LMNB1: variants seen among roughly 807,000 people sequenced by gnomAD.
The protein encoded by LMNB1 is lamin-B1.
Under a neutral mutation model 67.1 loss-of-function variants are expected in LMNB1, and 23 were observed. The observed-to-expected ratio is 0.34, with a 90% CI of 0.25 to 0.49. LMNB1 has a LOEUF of 0.49. LMNB1 is among the 20% of genes least tolerant of loss of function. The probability of loss-of-function intolerance (pLI) is 0.99; values close to 1 mark genes in which losing one functional copy is unlikely to be tolerated. For missense variants in LMNB1, 634 were observed against 746.5 expected, an observed-to-expected ratio of 0.85 and a Z score of 1.76; for synonymous variants, 281 against 282.9, an observed-to-expected ratio of 0.99 and a Z score of 0.07.
intron 1 of LMNB1, among the ~76,000 whole-genome samples, chr5:126,800,641 CTTCTTTTTTTTTT>C (rs1580536235): frequency 1.0e-5 from 1 of 95,708 alleles, no homozygotes; most frequent in East Asian, 3.2e-4. Flanking sequence ...TACACTGTAT[CTTCTTTTTTTTTT>C]TTTTTTTTTT....
intron 9 of LMNB1, among the ~76,000 whole-genome samples, chr5:126,831,132 A>C (rs1049743575): frequency 6.6e-6 from 1 of 152,222 alleles, no homozygotes; most frequent in African/African-American, 2.4e-5. Context: ...TCGAAGTCTC[A>C]TTTCTGTGAC....
Position 126,777,326 on chromosome 5 carries a change from C to A in LMNB1, c.-183C>A. 1.9e-6 allele frequency: 1 copy of A among 536,160 alleles called. No homozygotes were observed. The highest frequency in any genetic ancestry group is 2.8e-6 in the Non-Finnish European group (1 of 356,690). The allele number at this position is 536,160 out of a possible 1,614,324, so 33.2% of individuals were successfully genotyped here. A position where few individuals can be genotyped will look rare whatever the true frequency, so the allele number is the denominator to read the frequency against. The stretch of plus-strand genomic sequence containing the variant: ...CGTAGTTCCCCCCCGCGCGCCTTTG[C>A]CCTTTGTGCTGTAATCGAGCTCCCG... On this transcript the variant is annotated 5_prime_UTR_variant, in exon 1 of 11. Transcript: ENST00000261366.
chr5:126,778,319 C>T (rs1017387645), intron 1 of LMNB1, among the ~76,000 whole-genome samples: 1 of 152,110 alleles, frequency 6.6e-6, no homozygotes, highest in African/African-American at 2.4e-5. Context: ...CCGGGATGGG[C>T]GGCCGGGGAG....
intron 1 of LMNB1, among the ~76,000 whole-genome samples, chr5:126,793,682 C>A (rs1219912174): frequency 6.6e-6 from 1 of 152,064 alleles, no homozygotes; most frequent in Non-Finnish European, 1.5e-5. Context: ...CGAGACCAGC[C>A]TGGCCAACAT....
rs540810562 is a variant in LMNB1, at chr5:126,804,447, C to T, written c.360-329C>T. On this transcript the variant is annotated intron_variant, in intron 1 of 10. Transcript: ENST00000261366. ...GCATTATATTTAAAAAATGAATTTT[C>T]ATTTCTTCAAAAATATCCTGTGTTA... Among the ~76,000 whole-genome samples, 17 of 152,180 alleles carry T rather than the reference C, an allele frequency of 1.1e-4. No homozygotes were observed. The South Asian group carries it at 3.1e-3, about 28-fold the overall frequency.
At chr5:126,779,655 T>A (rs1451037603) in intron 1 of LMNB1, among the ~76,000 whole-genome samples, 2 of 152,064 alleles carry the variant, frequency 1.3e-5, no homozygotes, top group Non-Finnish European at 2.9e-5. Context: ...TCCCAGCGCT[T>A]TGGGAGGCGA....
At chr5:126,785,832 G>C (rs549531896) in intron 1 of LMNB1, among the ~76,000 whole-genome samples, 121 of 151,906 alleles carry the variant, frequency 8.0e-4, no homozygotes, top group African/African-American at 2.8e-3. Flanking sequence ...TGGCCAACAT[G>C]GCAAAACCCT....
At chr5:126,792,644 G>A (rs1031189449) in intron 1 of LMNB1, among the ~76,000 whole-genome samples, 7 of 139,082 alleles carry the variant, frequency 5.0e-5, no homozygotes, top group Non-Finnish European at 9.2e-5. Flanking sequence ...TGGCGCGATC[G>A]CGGCTCACCG....
intron 8 of LMNB1, among the ~76,000 whole-genome samples, chr5:126,825,083 TTTTCTG>T (rs1219783277): frequency 1.3e-5 from 2 of 152,282 alleles, no homozygotes; most frequent in East Asian, 1.9e-4. Flanking sequence ...GATTACAAAC[TTTTCTG>T]TTTCTATTTG....
intron 1 of LMNB1, among the ~76,000 whole-genome samples, chr5:126,778,616 G>T (rs1179375927): frequency 6.6e-6 from 1 of 152,164 alleles, no homozygotes; most frequent in Non-Finnish European, 1.5e-5. Context: ...CGGTCCCTCG[G>T]GTGGTTCTGC....
At chr5:126,786,443 G>T (rs1750784934) in intron 1 of LMNB1, among the ~76,000 whole-genome samples, 2 of 152,156 alleles carry the variant, frequency 1.3e-5, no homozygotes, top group African/African-American at 4.8e-5. Flanking sequence ...TTAAGCTCAT[G>T]ATAACTGCTG....
At chr5:126,790,594 T>G (rs1750928827) in intron 1 of LMNB1, among the ~76,000 whole-genome samples, 2 of 152,122 alleles carry the variant, frequency 1.3e-5, no homozygotes. Context: ...TATAATTATA[T>G]AGAGTCTATG....
intron 1 of LMNB1, among the ~76,000 whole-genome samples, chr5:126,786,012 T>G (rs1750770766): frequency 1.3e-5 from 2 of 150,654 alleles, no homozygotes; most frequent in African/African-American, 2.4e-5. Flanking sequence ...AGACTCCCTT[T>G]GGGGGGTGGG....
intron 1 of LMNB1, among the ~76,000 whole-genome samples, chr5:126,787,339 C>T (rs1750813120): frequency 6.8e-6 from 1 of 146,246 alleles, no homozygotes; most frequent in Non-Finnish European, 1.5e-5. Flanking sequence ...TAGGGATTTG[C>T]TTCTAAATGG....
chr5:126,817,296 C>G (rs1214019860), intron 5 of LMNB1, among the ~76,000 whole-genome samples: 2 of 152,084 alleles, frequency 1.3e-5, no homozygotes, highest in East Asian at 1.9e-4. Context: ...TTGCATTTTC[C>G]CTGCCCCAGT....
intron 7 of LMNB1, among the ~76,000 whole-genome samples, chr5:126,822,158 CTG>C (rs1410413767): frequency 1.3e-5 from 2 of 152,012 alleles, no homozygotes; most frequent in Admixed American, 1.3e-4. Context: ...AGCACGCCTG[CTG>C]ATTTTTGTAT....
intron 1 of LMNB1, among the ~76,000 whole-genome samples, chr5:126,800,828 T>G (rs918098543): frequency 2.2e-5 from 3 of 136,228 alleles, no homozygotes; most frequent in Admixed American, 7.5e-5. Flanking sequence ...AATTTTGTAT[T>G]TTTAGTAGAG....
At chr5:126,793,879 A>AAAAGAAAG (rs200364620) in intron 1 of LMNB1, among the ~76,000 whole-genome samples, 4,274 of 151,816 alleles carry the variant, frequency 0.028, 87 homozygotes, top group Admixed American at 0.041. Context: ...TCCATCTCCA[A>AAAAGAAAG]AAAGAAAGAA....
chr5:126,795,933 C>CTTTTTTCTTTT (rs1751077762), intron 1 of LMNB1, among the ~76,000 whole-genome samples: 1 of 82,084 alleles, frequency 1.2e-5, no homozygotes, highest in Non-Finnish European at 2.3e-5. Context: ...GCCCAGGATG[C>CTTTTTTCTTTT]TTTTTTTTTT....
Sources: gnomAD v4.1 joint callset for allele counts (sites outside exome capture counted in the v4.1 genomes callset) on GRCh38, gnomAD v4.1.1 for gene constraint, MANE v1.5 for transcripts, NCBI Gene and HGNC (gene_info 2026-07-23, HGNC 2026-07-21) for gene names.